HSPA14: variants seen among roughly 807,000 people sequenced by gnomAD.
HSPA14 encodes the protein heat shock 70 kDa protein 14.
In HSPA14, 37 loss-of-function variants were observed where a neutral mutation model predicts 65.5. The observed-to-expected ratio is 0.56, with a 90% CI of 0.43 to 0.74. HSPA14 has a LOEUF of 0.74. Among genes scored for constraint, HSPA14 ranks in the 30% least tolerant of loss-of-function variants. HSPA14 has a pLI of 0.00. For missense variants in HSPA14, 564 were observed against 607.6 expected (o/e 0.93, Z 0.75); for synonymous variants, 203 against 214.2 (o/e 0.95, Z 0.46).
intron 3 of HSPA14, chr10:14,841,382 A>AT (rs1453791337): frequency 3.9e-5 from 6 of 152,158 alleles, no homozygotes. Flanking sequence ...CAACAATATG[A>AT]TTTTTTTAAT....
In HSPA14 at chr10:14,867,309, T is replaced by C. The variant is rs1832815691; in HGVS notation, c.1206+14T>C. 6.5e-7 allele frequency: 1 copy of C among 1,543,782 alleles called. No homozygotes were observed. Among genetic ancestry groups the C allele is most frequent in the African/African-American group, 1.4e-5 (1 of 73,564 alleles). On this transcript the variant is annotated intron_variant, in intron 11 of 13. Coordinates refer to ENST00000378372, the MANE Select transcript of HSPA14 (RefSeq NM_016299.4). ...ATTTTAGTTAAGGTATGTTTAGCTTTTGTATACTAGTTAAGGTATGTTTAG... is the reference window on the plus strand; with the variant it reads ...ATTTTAGTTAAGGTATGTTTAGCTTCTGTATACTAGTTAAGGTATGTTTAG...
chr10:14,840,127 T>C lies in HSPA14; in HGVS notation c.191T>C (p.Val64Ala). Reference protein sequence around the residue: ...QSRIRNISNTVMKVKQILGRS... With the variant: ...QSRIRNISNTAMKVKQILGRS... ...AGAATAAGAAATATTTCAAATACAG[T>C]AATGAAAGTAAAGCAGATCCTGGGC... Residue 64 changes from valine to alanine, a missense_variant, in exon 3 of 14, where the codon GTA (valine) becomes GCA (alanine). Val to Ala is a moderately conservative substitution (Grantham distance 64, BLOSUM62 0). Coordinates refer to ENST00000378372, the MANE Select transcript of HSPA14 (RefSeq NM_016299.4). The C allele has an allele frequency of 6.8e-7, 1 of 1,473,500 alleles. No individual in the cohort carries two copies. The highest frequency in any genetic ancestry group is 1.6e-5 in the South Asian group (1 of 64,260). The allele number at this position is 1,473,500 out of a possible 1,614,324, so 91.3% of individuals were successfully genotyped here. A position where few individuals can be genotyped will look rare whatever the true frequency, so the allele number is the denominator to read the frequency against.
chr10:14,862,216 G>C (rs980419486), intron 10 of HSPA14, among the ~76,000 whole-genome samples: 2 of 150,706 alleles, frequency 1.3e-5, no homozygotes, highest in African/African-American at 4.9e-5. Flanking sequence ...TTTTAGTAGA[G>C]ATGGGGTTTC....
chr10:14,862,277 C>T (rs1449555903), intron 10 of HSPA14, among the ~76,000 whole-genome samples: 1 of 151,776 alleles, frequency 6.6e-6, no homozygotes, highest in Admixed American at 6.5e-5. Context: ...ATCCGCCTGC[C>T]TCGGCCTCCC....
At chr10:14,847,282 C>T (rs1443039982) in intron 3 of HSPA14, among the ~76,000 whole-genome samples, 2 of 152,152 alleles carry the variant, frequency 1.3e-5, no homozygotes, top group African/African-American at 2.4e-5. Flanking sequence ...TTCTGGTTGA[C>T]TTAAATTCTA....
rs1225348258 is a variant in HSPA14, at chr10:14,870,490, AG to A, written c.1381-105del. 2.0e-5 allele frequency: 25 copies of A among 1,267,196 alleles called. No homozygotes were observed. The African/African-American group carries it at 3.7e-4, about 19-fold the overall frequency. The allele number at this position is 1,267,196 out of a possible 1,614,324, so 78.5% of individuals were successfully genotyped here. ...AATTGAAAACTGCCCTATTTTAAAA[AG>A]GTTTGTTTCAGTGATAAATAAGCTT... On this transcript the variant is annotated intron_variant, in intron 12 of 13. Transcript: ENST00000378372.
chr10:14,844,505 G>A, intron 3 of HSPA14: 1 of 986,256 alleles, frequency 1.0e-6, no homozygotes, highest in Non-Finnish European at 1.2e-6. Flanking sequence ...AGCACAACCT[G>A]TATTTGTACC....
intron 10 of HSPA14, among the ~76,000 whole-genome samples, chr10:14,864,586 G>GT (rs1204444033): frequency 8.6e-5 from 13 of 151,946 alleles, no homozygotes; most frequent in African/African-American, 2.9e-4. Context: ...GCGGTGTTTG[G>GT]TTTTTTGTCC....
chr10:14,870,681 C>T lies in HSPA14; in HGVS notation c.1451+14C>T. 6.5e-7 allele frequency: 1 copy of T among 1,537,776 alleles called. No homozygotes were observed. The highest frequency in any genetic ancestry group is 2.3e-5 in the East Asian group (1 of 42,890). ...TACTATGAAAAGGTAAAAAATTAAA[C>T]TTCTGTTGTTAAGAAAATTCAATTT... On this transcript the variant is annotated intron_variant, in intron 13 of 13. Coordinates refer to ENST00000378372, the MANE Select transcript of HSPA14 (RefSeq NM_016299.4).
chr10:14,848,420 T>C (rs573236211), intron 3 of HSPA14, among the ~76,000 whole-genome samples, 189 bp from the exon 4 acceptor site: 1 of 152,250 alleles, frequency 6.6e-6, no homozygotes, highest in Non-Finnish European at 1.5e-5. Context: ...AGAATTACTA[T>C]AACCCTTATA....
At chr10:14,848,737 TTGCA>T in intron 4 of HSPA14, 49 bp from the exon 5 acceptor site, 2 of 1,455,536 alleles carry the variant, frequency 1.4e-6, no homozygotes, top group Non-Finnish European at 1.9e-6. Context: ...ATTTGAAACT[TTGCA>T]TTTTTATTAA....
At chr10:14,870,550 T>G (rs1264657126) in intron 12 of HSPA14, 47 bp from the exon 13 acceptor site, 1 of 1,551,260 alleles carries the variant, frequency 6.4e-7, no homozygotes, top group Non-Finnish European at 8.7e-7. Flanking sequence ...ATCAGTTCAT[T>G]TATGTAAAGA....
At chr10:14,863,488 A>G (rs919539503) in intron 10 of HSPA14, among the ~76,000 whole-genome samples, 6 of 152,188 alleles carry the variant, frequency 3.9e-5, no homozygotes, top group Non-Finnish European at 7.3e-5. Context: ...TATGATTATC[A>G]GGCATCATCT....
intron 10 of HSPA14, among the ~76,000 whole-genome samples, chr10:14,866,700 G>A (rs1197832388): frequency 6.6e-6 from 1 of 151,964 alleles, no homozygotes; most frequent in African/African-American, 2.4e-5. Context: ...TCACAAAAAT[G>A]CTTTAAGATT....
At chr10:14,870,813 C>A in intron 13 of HSPA14, 146 bp downstream of exon 13, 2 of 704,700 alleles carry the variant, frequency 2.8e-6, no homozygotes, top group Non-Finnish European at 4.3e-6. Context: ...ATTTTTTGCC[C>A]CCAGAATTAC....
chr10:14,852,352 C>G lies in HSPA14; in HGVS notation c.573-18C>G, dbSNP rs776384191. 1.9e-5 allele frequency: 31 copies of G among 1,604,956 alleles called. No homozygotes were observed. Among genetic ancestry groups the G allele is most frequent in the Non-Finnish European group, 2.6e-5 (30 of 1,173,582 alleles). ...TAAAATGTTATTCCCTGATAACTTA[C>G]TTTATCTTCTCTTGAAGCAATATTT... On this transcript the variant is annotated intron_variant, in intron 7 of 13. Transcript: ENST00000378372.
chr10:14,861,652 T>A (rs1023034096), intron 10 of HSPA14, among the ~76,000 whole-genome samples: 6 of 152,164 alleles, frequency 3.9e-5, no homozygotes, highest in Non-Finnish European at 8.8e-5. Flanking sequence ...CCTTCTTTTG[T>A]TCCTTTTATT....
chr10:14,868,856 TC>T (rs1313487264), intron 12 of HSPA14, among the ~76,000 whole-genome samples: 3 of 152,348 alleles, frequency 2.0e-5, no homozygotes, highest in Admixed American at 1.3e-4. Context: ...TTTTGTTTTT[TC>T]TTTTTTTGAG....
In HSPA14 at chr10:14,842,483, A is replaced by G; in HGVS notation, c.221+2326A>G. 1 of 1,536,152 alleles carries G rather than the reference A, an allele frequency of 6.5e-7. No individual in the cohort carries two copies. The highest frequency in any genetic ancestry group is 8.7e-7 in the Non-Finnish European group (1 of 1,146,916). On this transcript the variant is annotated intron_variant, in intron 3 of 13. Transcript: ENST00000378372. This position sits in a 1 kb window ranked among gnomAD's most constrained non-coding sequence, Gnocchi z 5.2. ...CGAACGTCAGTGCCGCTCCAAGTTT[A>G]AAGTTCTGAAGGCATTATATTTAAA...
Sources: allele counts gnomAD v4.1 joint callset (sites outside exome capture counted in the v4.1 genomes callset), GRCh38; gene constraint gnomAD v4.1.1; non-coding constraint Gnocchi (gnomAD v3.1); transcripts MANE v1.5; gene names NCBI Gene and HGNC (gene_info 2026-07-23, HGNC 2026-07-21).